CSMD1: variants seen among roughly 807,000 people sequenced by gnomAD.
CSMD1 encodes the protein CUB and sushi domain-containing protein 1.
In CSMD1, 213 loss-of-function variants were observed where a neutral mutation model predicts 417.5. The observed-to-expected ratio is 0.51, with a 90% CI of 0.46 to 0.57. The LOEUF is 0.57. CSMD1 is among the 20% of genes least tolerant of loss of function. CSMD1 has a pLI of 0.00. For synonymous variants in CSMD1, 2,862 were observed against 1,736.8 expected (o/e 1.65, Z -16.11); for missense variants, 6,923 against 4,529.7 (o/e 1.53, Z -15.17).
chr8:3,295,504 T>C (rs1037055917), intron 25 of CSMD1, among the ~76,000 whole-genome samples: 7 of 152,188 alleles, frequency 4.6e-5, no homozygotes, highest in Admixed American at 1.3e-4. Flanking sequence ...ACTTTAAAAC[T>C]GTAAGTGTTT....
intron 5 of CSMD1, among the ~76,000 whole-genome samples, chr8:3,844,705 T>G (rs983374729): frequency 6.6e-6 from 1 of 152,206 alleles, no homozygotes; most frequent in Non-Finnish European, 1.5e-5. Context: ...TCACTAGTTT[T>G]ATTTCTGATA....
intron 27 of CSMD1, among the ~76,000 whole-genome samples, chr8:3,225,607 G>A (rs947013891): frequency 2.0e-5 from 3 of 152,166 alleles, no homozygotes; most frequent in East Asian, 1.9e-4. Context: ...AAAAATGACA[G>A]ATTCAGGGCA....
chr8:3,143,701 A>C (rs1295420965), intron 40 of CSMD1, among the ~76,000 whole-genome samples: 2 of 152,220 alleles, frequency 1.3e-5, no homozygotes, highest in Non-Finnish European at 2.9e-5. Flanking sequence ...ATTCCAGTAT[A>C]AAAGAAAGCT....
chr8:3,701,742 C>T (rs930299514), intron 7 of CSMD1, among the ~76,000 whole-genome samples: 15 of 152,100 alleles, frequency 9.9e-5, no homozygotes, highest in Non-Finnish European at 2.2e-4. Flanking sequence ...GTTATAATTA[C>T]ATCATTAAGT....
At chr8:3,074,796 A>G (rs1010647452) in intron 49 of CSMD1, among the ~76,000 whole-genome samples, 4 of 152,230 alleles carry the variant, frequency 2.6e-5, no homozygotes, top group African/African-American at 9.6e-5. Context: ...TGTGTATGCC[A>G]TATCATGGAA....
At chr8:4,558,353 A>G (rs1181738090) in intron 2 of CSMD1, among the ~76,000 whole-genome samples, 1 of 152,210 alleles carries the variant, frequency 6.6e-6, no homozygotes, top group Admixed American at 6.5e-5. Context: ...TCTCCGTAGT[A>G]TTATATTATG....
chr8:3,246,325 C>T (rs1799877582), intron 26 of CSMD1, among the ~76,000 whole-genome samples: 1 of 152,126 alleles, frequency 6.6e-6, no homozygotes, highest in South Asian at 2.1e-4. Context: ...CCCTGAAATG[C>T]TCCTTTATCT....
intron 50 of CSMD1, among the ~76,000 whole-genome samples, chr8:3,042,190 G>T (rs955453448): frequency 2.7e-4 from 41 of 152,212 alleles, no homozygotes; most frequent in African/African-American, 9.9e-4. Flanking sequence ...TGACTTTTTG[G>T]CCTGAACTAT....
intron 7 of CSMD1, among the ~76,000 whole-genome samples, chr8:3,694,715 C>A (rs1157153152): frequency 6.6e-6 from 1 of 151,688 alleles, no homozygotes; most frequent in African/African-American, 2.4e-5. Flanking sequence ...AAGGGGAGAA[C>A]CTGGAGGAAG....
At chr8:3,277,731 G>C (rs1443368227) in intron 26 of CSMD1, among the ~76,000 whole-genome samples, 2 of 152,170 alleles carry the variant, frequency 1.3e-5, no homozygotes, top group East Asian at 1.9e-4. Flanking sequence ...CAAGAAGGCA[G>C]GTGGACACTC....
intron 26 of CSMD1, among the ~76,000 whole-genome samples, chr8:3,276,568 C>T (rs975992308): frequency 1.3e-5 from 2 of 152,158 alleles, no homozygotes; most frequent in African/African-American, 4.8e-5. Flanking sequence ...TCGATTACCT[C>T]CCACTGGGTC....
chr8:3,265,030 T>G (rs982933317), intron 26 of CSMD1, among the ~76,000 whole-genome samples: 4 of 152,138 alleles, frequency 2.6e-5, no homozygotes, highest in African/African-American at 7.2e-5. Context: ...TTAAATTATA[T>G]GGGAAAAGCA....
At chr8:4,423,732 AAAC>A (rs201377833) in intron 2 of CSMD1, among the ~76,000 whole-genome samples, 37 of 146,562 alleles carry the variant, frequency 2.5e-4, no homozygotes, top group Non-Finnish European at 1.7e-4. Flanking sequence ...GAAGGCAAAC[AAAC>A]AAAAAAAAAT....
At chr8:4,777,304 G>A (rs1345939645) in intron 1 of CSMD1, among the ~76,000 whole-genome samples, 2 of 152,188 alleles carry the variant, frequency 1.3e-5, no homozygotes, top group African/African-American at 4.8e-5. Context: ...GTAGGTGGAC[G>A]AAACCAGAAA....
intron 1 of CSMD1, among the ~76,000 whole-genome samples, chr8:4,983,306 T>C (rs955268184): frequency 3.3e-5 from 5 of 152,170 alleles, no homozygotes; most frequent in African/African-American, 9.7e-5. Flanking sequence ...AAAATGTTGA[T>C]GACAAATTAA....
intron 3 of CSMD1, among the ~76,000 whole-genome samples, chr8:4,252,826 G>A (rs1585101416): frequency 6.6e-6 from 1 of 152,208 alleles, no homozygotes; most frequent in African/African-American, 2.4e-5. Flanking sequence ...GGATGCACCA[G>A]TGATGACTGG....
chr8:4,185,784 T>G (rs1798637115), intron 3 of CSMD1, among the ~76,000 whole-genome samples: 1 of 152,160 alleles, frequency 6.6e-6, no homozygotes, highest in Admixed American at 6.6e-5. Flanking sequence ...AGTGGAAATG[T>G]GTAAGATGAG....
At chr8:4,400,142 A>G (rs539126237) in intron 3 of CSMD1, among the ~76,000 whole-genome samples, 1 of 152,200 alleles carries the variant, frequency 6.6e-6, no homozygotes, top group African/African-American at 2.4e-5. Context: ...TGTATTTGGG[A>G]AAATATAGCT....
chr8:3,681,819 C>T (rs1361155098), intron 7 of CSMD1, among the ~76,000 whole-genome samples: 3 of 152,194 alleles, frequency 2.0e-5, no homozygotes, highest in Admixed American at 6.5e-5. Flanking sequence ...ACCCAAACAG[C>T]ATGGTACTGG....
Sources: gnomAD v4.1 joint callset for allele counts (sites outside exome capture counted in the v4.1 genomes callset) on GRCh38, gnomAD v4.1.1 for gene constraint, MANE v1.5 for transcripts, NCBI Gene and HGNC (gene_info 2026-07-23, HGNC 2026-07-21) for gene names.